The following NUDCD3 variants were observed in gnomAD, a reference collection of about 807,000 sequenced individuals.
NUDCD3 encodes NudC domain containing 3.
NUDCD3 carries 13 observed loss-of-function variants against 39.7 expected under a neutral mutation model. That is an observed-to-expected ratio of 0.33 (90% CI 0.21 to 0.52). The LOEUF (loss-of-function observed/expected upper bound fraction) is 0.52, where lower values mean the gene tolerates loss of function less well. Ranked by LOEUF, NUDCD3 falls within the 20% of genes least tolerant of loss-of-function variation. The probability of loss-of-function intolerance (pLI) is 0.96; values close to 1 mark genes in which losing one functional copy is unlikely to be tolerated. For synonymous variants in NUDCD3, 175 were observed against 172.4 expected, an observed-to-expected ratio of 1.02 and a Z score of -0.12; for missense variants, 453 against 458.1, an observed-to-expected ratio of 0.99 and a Z score of 0.10.
chr7:44,414,804 G>A (rs978078136), intron 3 of NUDCD3, among the ~76,000 whole-genome samples: 5 of 152,232 alleles, frequency 3.3e-5, no homozygotes, highest in African/African-American at 4.8e-5. Context: ...AACACGTTAT[G>A]GAGCTTTTAA....
chr7:44,410,293 T>A (rs1331130607), intron 3 of NUDCD3, among the ~76,000 whole-genome samples: 1 of 152,148 alleles, frequency 6.6e-6, no homozygotes, highest in Non-Finnish European at 1.5e-5. Context: ...GAACTTACTA[T>A]AAAGCTACAG....
intron 2 of NUDCD3, among the ~76,000 whole-genome samples, chr7:44,479,339 C>T (rs1800441999): frequency 6.6e-6 from 1 of 152,070 alleles, no homozygotes; most frequent in African/African-American, 2.4e-5. Context: ...TTATACTTTA[C>T]TAAAACACAA....
At chr7:44,451,777 A>C (rs1799797846) in intron 2 of NUDCD3, among the ~76,000 whole-genome samples, 1 of 152,192 alleles carries the variant, frequency 6.6e-6, no homozygotes, top group Non-Finnish European at 1.5e-5. Context: ...AGTTTAGTAC[A>C]CAAGAAAACA....
chr7:44,449,541 A>G (rs1799753402), intron 2 of NUDCD3, among the ~76,000 whole-genome samples: 1 of 152,206 alleles, frequency 6.6e-6, no homozygotes, highest in Admixed American at 6.5e-5. Context: ...AAAGCAGGAG[A>G]AGATTATTGG....
intron 2 of NUDCD3, among the ~76,000 whole-genome samples, chr7:44,460,430 T>C (rs142515511): frequency 2.4e-4 from 36 of 152,296 alleles, no homozygotes; most frequent in African/African-American, 6.7e-4. Flanking sequence ...GGAAAGCATA[T>C]AAGGCCATTA....
intron 2 of NUDCD3, among the ~76,000 whole-genome samples, chr7:44,447,703 T>C (rs529759665): frequency 6.6e-6 from 1 of 152,232 alleles, no homozygotes; most frequent in Non-Finnish European, 1.5e-5. Context: ...CTCTCAAGTA[T>C]TCTGTTACAG....
Position 44,386,030 on chromosome 7 carries a change from G to T in NUDCD3, c.1067C>A (p.Pro356Gln). The change falls in exon 6 of 6, where the codon CCG becomes CAG. Residue 356 changes from proline (P) to glutamine (Q), a missense_variant. Pro to Gln is a moderately conservative substitution (Grantham distance 76). Coordinates refer to ENST00000355451, the MANE Select transcript of NUDCD3 (RefSeq NM_015332.4). The part of the protein sequence containing the change: ...RFDPAMFNIS[P>Q]GAVQF ...TGGTCATTAAAACTGCACAGCCCCCGGGGAGATGTTGAACATGGCAGGGTC... is the reference window on the plus strand; with the variant it reads ...TGGTCATTAAAACTGCACAGCCCCCTGGGAGATGTTGAACATGGCAGGGTC... 6.5e-7 allele frequency: 1 copy of T among 1,544,528 alleles called. No individual in the cohort carries two copies. Among genetic ancestry groups the T allele is most frequent in the Non-Finnish European group, 9.0e-7 (1 of 1,116,488 alleles).
At chr7:44,430,570 T>TCACACA (rs58853542) in intron 2 of NUDCD3, among the ~76,000 whole-genome samples, 84 of 125,878 alleles carry the variant, frequency 6.7e-4, no homozygotes, top group South Asian at 2.9e-3. Context: ...ACACACACAC[T>TCACACA]CACACACACA....
intron 1 of NUDCD3, among the ~76,000 whole-genome samples, chr7:44,487,023 A>C (rs1392961619): frequency 3.3e-5 from 5 of 152,226 alleles, no homozygotes; most frequent in Admixed American, 6.5e-5. Flanking sequence ...AAGGAACAGG[A>C]TGTAGCTAGC....
intron 2 of NUDCD3, among the ~76,000 whole-genome samples, chr7:44,458,863 A>T (rs1487310135): frequency 6.6e-6 from 1 of 151,548 alleles, no homozygotes; most frequent in African/African-American, 2.4e-5. Context: ...AAGCATGTGT[A>T]TGAGCCTGGA....
intron 3 of NUDCD3, among the ~76,000 whole-genome samples, chr7:44,405,463 T>C (rs1798802126): frequency 6.6e-6 from 1 of 152,218 alleles, no homozygotes; most frequent in Admixed American, 6.5e-5. Context: ...GGTCAGTAAT[T>C]AGAAGAGGAA....
chr7:44,419,809 A>C (rs189221121), intron 3 of NUDCD3, among the ~76,000 whole-genome samples: 122 of 152,206 alleles, frequency 8.0e-4, no homozygotes, highest in Non-Finnish European at 1.4e-3. Context: ...ACATCAAAAA[A>C]AAAGGACCCC....
intron 5 of NUDCD3, among the ~76,000 whole-genome samples, chr7:44,388,494 C>G (rs1056704074): frequency 6.6e-6 from 1 of 152,264 alleles, no homozygotes; most frequent in African/African-American, 2.4e-5. Flanking sequence ...AAAAAGGCTA[C>G]AGTCACTAAG....
At chr7:44,408,335 C>G (rs560751820) in intron 3 of NUDCD3, among the ~76,000 whole-genome samples, 1 of 152,000 alleles carries the variant, frequency 6.6e-6, no homozygotes, top group South Asian at 2.1e-4. Flanking sequence ...AATCTATAAA[C>G]GCAGGAAGAA....
Position 44,384,648 on chromosome 7 carries a change from A to G in NUDCD3, c.*1363T>C, listed in dbSNP as rs1798369613. 6.6e-6 allele frequency: 1 copy of G among 152,322 alleles called. No homozygotes were observed. The highest frequency in any genetic ancestry group is 2.4e-5 in the African/African-American group (1 of 41,464). The allele number at this position is 152,322 out of a possible 1,614,324, so 9.4% of individuals were successfully genotyped here. A position where few individuals can be genotyped will look rare whatever the true frequency, so the allele number is the denominator to read the frequency against. ...CAGGAGCGGGGACCTTCCCCTGACAATAGGCCCTCTTAGCATCTGCGGGCC... is the reference window on the plus strand; with the variant it reads ...CAGGAGCGGGGACCTTCCCCTGACAGTAGGCCCTCTTAGCATCTGCGGGCC... On this transcript the variant is annotated 3_prime_UTR_variant, in exon 6 of 6. Transcript: ENST00000355451.
rs372267864 is a variant in NUDCD3 at position 44,437,406 on chromosome 7, T to C, written c.510-9703A>G. On this transcript the variant is annotated intron_variant, in intron 2 of 5. Coordinates refer to ENST00000355451, the MANE Select transcript of NUDCD3 (RefSeq NM_015332.4). Reference sequence around the variant, plus strand: ...CTTTGTTTCTTTGTAAATTCTCTTTTCTTCTCTCAATAAGTTGTACCAGAA... The same window carrying C: ...CTTTGTTTCTTTGTAAATTCTCTTTCCTTCTCTCAATAAGTTGTACCAGAA... 4.7e-4 allele frequency among the ~76,000 whole-genome samples: 71 copies of C among 152,316 alleles called. 1 individual carries two copies. In the East Asian group the frequency reaches 0.013, roughly 27 times the overall value.
chr7:44,434,555 G>A (rs1799430196), intron 2 of NUDCD3, among the ~76,000 whole-genome samples: 1 of 152,076 alleles, frequency 6.6e-6, no homozygotes, highest in African/African-American at 2.4e-5. Flanking sequence ...GCAGGGATGT[G>A]ACCCCCCCGC....
intron 1 of NUDCD3, among the ~76,000 whole-genome samples, chr7:44,487,973 TAAA>T (rs1023645290): frequency 6.9e-6 from 1 of 144,590 alleles, no homozygotes. Flanking sequence ...AATAAAAAAA[TAAA>T]AAAAAGAACA....
chr7:44,400,854 T>C (rs954288695), intron 4 of NUDCD3, among the ~76,000 whole-genome samples: 1 of 152,206 alleles, frequency 6.6e-6, no homozygotes, highest in Admixed American at 6.5e-5. Context: ...CCAGGGTGAT[T>C]CCATCTTGAG....
Sources: allele counts gnomAD v4.1 joint callset (sites outside exome capture counted in the v4.1 genomes callset), GRCh38; gene constraint gnomAD v4.1.1; transcripts MANE v1.5; gene names NCBI Gene and HGNC (gene_info 2026-07-23, HGNC 2026-07-21).